The following TSC22D1 variants were observed in gnomAD, a reference collection of about 807,000 sequenced individuals.
The protein encoded by TSC22D1 is TSC22 domain family member 1, also known as TSC22 domain family protein 1.
Under a neutral mutation model 74.2 loss-of-function variants are expected in TSC22D1, and 9 were observed. The observed-to-expected ratio is 0.12, with a 90% CI of 0.07 to 0.21. The LOEUF (loss-of-function observed/expected upper bound fraction) is 0.21, where lower values mean the gene tolerates loss of function less well. TSC22D1 is among the 10% of genes least tolerant of loss of function. The probability of loss-of-function intolerance (pLI) is 1.00; values close to 1 mark genes in which losing one functional copy is unlikely to be tolerated. For missense variants in TSC22D1, 1,427 were observed against 1,304.7 expected (o/e 1.09, Z -1.44); for synonymous variants, 586 against 492.5 (o/e 1.19, Z -2.51).
intron 1 of TSC22D1, among the ~76,000 whole-genome samples, chr13:44,442,597 T>A (rs1351182464): frequency 6.6e-6 from 1 of 151,842 alleles, no homozygotes; most frequent in East Asian, 1.9e-4. Flanking sequence ...CTATCCAAAA[T>A]AAAACACAGA....
chr13:44,536,926 GAAAAAAA>G lies in TSC22D1; in HGVS notation c.2912+36230_2912+36236del, dbSNP rs10596156. 1.2e-3 allele frequency: 594 copies of G among 494,986 alleles called. 2 individuals carry two copies. Among genetic ancestry groups the G allele is most frequent in the East Asian group, 4.9e-3 (17 of 3,436 alleles). 30.7% of individuals were successfully genotyped at this position (494,986 alleles called of 1,614,324 possible). On this transcript the variant is annotated intron_variant, in intron 1 of 2. Transcript: ENST00000458659. ...TAACAGTTCAAAAAAGTATTTTTCT[GAAAAAAA>G]AAAAAAAAAAAAAAAAAAAAAAAAA...
intron 1 of TSC22D1, among the ~76,000 whole-genome samples, chr13:44,559,174 T>C (rs1057323406): frequency 6.6e-6 from 1 of 152,138 alleles, no homozygotes; most frequent in Non-Finnish European, 1.5e-5. Context: ...TTAGGTGAAC[T>C]ACAGCAATAA....
At chr13:44,510,045 C>T (rs899767382) in intron 1 of TSC22D1, among the ~76,000 whole-genome samples, 7 of 150,620 alleles carry the variant, frequency 4.6e-5, no homozygotes, top group Non-Finnish European at 8.8e-5. Flanking sequence ...ATAGTCAAGG[C>T]CCTTTGGAAA....
In TSC22D1 at chr13:44,453,830, T is replaced by A. The variant is rs189442244; in HGVS notation, c.2913-17735A>T. 1.3e-3 allele frequency among the ~76,000 whole-genome samples: 202 copies of A among 152,368 alleles called. 1 individual carries two copies. The highest frequency in any genetic ancestry group is 4.5e-3 in the African/African-American group (186 of 41,584). ...TTTATCAGAGTATTACACGTATGTTTCTAATAAGAAATGCTCCTAATTGAA... is the reference window on the plus strand; with the variant it reads ...TTTATCAGAGTATTACACGTATGTTACTAATAAGAAATGCTCCTAATTGAA... On this transcript the variant is annotated intron_variant, in intron 1 of 2. Coordinates refer to ENST00000458659, the MANE Select transcript of TSC22D1 (RefSeq NM_183422.4).
At chr13:44,535,436 G>A (rs1311778085) in intron 1 of TSC22D1, among the ~76,000 whole-genome samples, 4 of 151,684 alleles carry the variant, frequency 2.6e-5, no homozygotes, top group Non-Finnish European at 4.4e-5. Flanking sequence ...ATTTTTAAAG[G>A]GAAACAAAAA....
intron 1 of TSC22D1, among the ~76,000 whole-genome samples, chr13:44,484,978 T>C (rs1453573772): frequency 6.6e-6 from 1 of 152,202 alleles, no homozygotes; most frequent in Non-Finnish European, 1.5e-5. Context: ...AAAATGAAAG[T>C]AAAGTGGGAT....
intron 1 of TSC22D1, among the ~76,000 whole-genome samples, chr13:44,459,279 C>T (rs1198449556): frequency 6.6e-6 from 1 of 152,190 alleles, no homozygotes; most frequent in African/African-American, 2.4e-5. Flanking sequence ...TGGAAAGGAG[C>T]TATCCACTAT....
rs112613609 is a variant in TSC22D1 at position 44,574,569 on chromosome 13, T to TTGCTGC, written c.1500_1505dup (p.Gln508_Gln509dup). On this transcript the variant is annotated inframe_insertion, in exon 1 of 3. Transcript: ENST00000458659. ...CTGGTTGTTGCTGTTGTTGTTGTTG[T>TTGCTGC]TGCTGCTGCTGCTGCTGCACCACCA... is the stretch of plus-strand genomic sequence containing the variant. The TTGCTGC allele has an allele frequency of 1.6e-5, 26 of 1,608,622 alleles. No individual in the cohort carries two copies. The highest frequency in any genetic ancestry group is 2.2e-5 in the Non-Finnish European group (26 of 1,178,918).
chr13:44,527,802 A>AAGT (rs1880621474), intron 1 of TSC22D1, among the ~76,000 whole-genome samples: 1 of 152,138 alleles, frequency 6.6e-6, no homozygotes, highest in Non-Finnish European at 1.5e-5. Context: ...TGTTGGCTAC[A>AAGT]AGAAACCCAT....
At position 44,482,448 on chromosome 13, in the gene TSC22D1, A is replaced by G. The variant is rs538636592; in HGVS notation, c.2913-46353T>C. ...CAGTACCTCAGGAAGCTGAGGCCAG[A>G]GGATCGCTTGAACCTGGGAGGCAGG... is the stretch of plus-strand genomic sequence containing the variant. On this transcript the variant is annotated intron_variant, in intron 1 of 2. Transcript: ENST00000458659. 3.9e-4 allele frequency among the ~76,000 whole-genome samples: 59 copies of G among 152,320 alleles called. No individual in the cohort carries two copies. The South Asian group carries it at 0.012, about 31-fold the overall frequency.
chr13:44,556,968 AC>A (rs908955999), intron 1 of TSC22D1, among the ~76,000 whole-genome samples: 8 of 148,548 alleles, frequency 5.4e-5, no homozygotes, highest in Non-Finnish European at 1.0e-4. Flanking sequence ...ACATGGAGAA[AC>A]CCCATCTGTA....
rs111602274 is a variant in TSC22D1, at chr13:44,454,628, G to A, written c.2913-18533C>T. Among the ~76,000 whole-genome samples, 265 of 152,274 alleles carry A rather than the reference G, an allele frequency of 1.7e-3. 2 individuals carry two copies. The highest frequency in any genetic ancestry group is 6.0e-3 in the African/African-American group (249 of 41,542). On this transcript the variant is annotated intron_variant, in intron 1 of 2. Transcript: ENST00000458659. ...CACTAAAACATACTAGACAAAGGCA[G>A]AAGTTTTGTTTACTAATACTTGATT...
intron 1 of TSC22D1, among the ~76,000 whole-genome samples, chr13:44,480,308 GACA>G (rs1878118652): frequency 6.6e-6 from 1 of 151,998 alleles, no homozygotes; most frequent in African/African-American, 2.4e-5. Flanking sequence ...ATTTTTTTAA[GACA>G]ACAGGGTAAT....
intron 1 of TSC22D1, among the ~76,000 whole-genome samples, chr13:44,494,060 A>ATTAAATTG (rs1283404664): frequency 6.6e-6 from 1 of 151,946 alleles, no homozygotes; most frequent in Non-Finnish European, 1.5e-5. Flanking sequence ...GCACGACATC[A>ATTAAATTG]TCTCTACAAA....
At chr13:44,517,857 A>ATATATATATTTTTTTTTTT (rs10627677) in intron 1 of TSC22D1, among the ~76,000 whole-genome samples, 2 of 16,174 alleles carry the variant, frequency 1.2e-4, no homozygotes, top group African/African-American at 1.8e-4. Flanking sequence ...ATATATATAT[A>ATATATATATTTTTTTTTTT]TTTTTTTTTT....
chr13:44,495,329 T>A (rs1878921329), intron 1 of TSC22D1, among the ~76,000 whole-genome samples: 1 of 150,944 alleles, frequency 6.6e-6, no homozygotes, highest in African/African-American at 2.4e-5. Context: ...ACGGTAATTC[T>A]ATATCTGACA....
At chr13:44,451,257 C>T (rs1876108882) in intron 1 of TSC22D1, among the ~76,000 whole-genome samples, 1 of 152,174 alleles carries the variant, frequency 6.6e-6, no homozygotes, top group Admixed American at 6.5e-5. Context: ...AGAAGCGGGA[C>T]ACTGCAACAG....
At position 44,576,164 on chromosome 13, in the gene TSC22D1, G is replaced by C. The variant is rs762998344; in HGVS notation, c.-90C>G. 12 of 1,368,470 alleles carry C rather than the reference G, an allele frequency of 8.8e-6. No individual in the cohort carries two copies. The highest frequency in any genetic ancestry group is 3.3e-5 in the Admixed American group (1 of 30,166). 84.8% of individuals were successfully genotyped at this position (1,368,470 alleles called of 1,614,324 possible). A position where few individuals can be genotyped will look rare whatever the true frequency, so the allele number is the denominator to read the frequency against. ...TTGGAGACGCCGGAGAGGAAAACGG[G>C]ACCTGACGCTCCGCCTGGCGCGATT... On this transcript the variant is annotated 5_prime_UTR_variant, in exon 1 of 3. Coordinates refer to ENST00000458659, the MANE Select transcript of TSC22D1 (RefSeq NM_183422.4).
intron 1 of TSC22D1, among the ~76,000 whole-genome samples, chr13:44,522,069 T>C (rs1352394349): frequency 1.3e-5 from 2 of 152,186 alleles, no homozygotes; most frequent in African/African-American, 4.8e-5. Flanking sequence ...ATTGATGTAA[T>C]GTTAGAGAGT....
Sources: gnomAD v4.1 joint callset for allele counts (sites outside exome capture counted in the v4.1 genomes callset) on GRCh38, gnomAD v4.1.1 for gene constraint, MANE v1.5 for transcripts, NCBI Gene and HGNC (gene_info 2026-07-23, HGNC 2026-07-21) for gene names.